Variants in CDH13 observed in about 807,000 individuals in gnomAD.
The protein encoded by CDH13 is cadherin 13.
CDH13 carries 24 observed loss-of-function variants against 63.8 expected under a neutral mutation model. That is an observed-to-expected ratio of 0.38 (90% confidence interval 0.27 to 0.53). CDH13 has a LOEUF of 0.53. Among genes scored for constraint, CDH13 ranks in the 20% least tolerant of loss-of-function variants. The pLI, the probability that CDH13 is intolerant of heterozygous loss-of-function variation, is 0.85. For missense variants in CDH13, 1,049 were observed against 903.1 expected, an observed-to-expected ratio of 1.16 and a Z score of -2.07; for synonymous variants, 503 against 355.3, an observed-to-expected ratio of 1.42 and a Z score of -4.67.
intron 7 of CDH13, among the ~76,000 whole-genome samples, chr16:83,521,156 C>G (rs1201965624): frequency 3.3e-5 from 5 of 152,196 alleles, no homozygotes; most frequent in Non-Finnish European, 7.3e-5. Flanking sequence ...CAGCACTTTG[C>G]TAACACGTTT....
At chr16:83,748,599 A>G (rs1912807075) in intron 11 of CDH13, among the ~76,000 whole-genome samples, 2 of 152,198 alleles carry the variant, frequency 1.3e-5, no homozygotes, top group Non-Finnish European at 2.9e-5. Flanking sequence ...ATACAAGTTG[A>G]AAGTAAGTCC....
chr16:83,193,739 G>A (rs1189871252), intron 4 of CDH13, among the ~76,000 whole-genome samples: 1 of 152,164 alleles, frequency 6.6e-6, no homozygotes, highest in Non-Finnish European at 1.5e-5. Flanking sequence ...TCACCAAGGA[G>A]TGGTAGAAAA....
chr16:83,163,477 C>T (rs1377936823), intron 4 of CDH13, among the ~76,000 whole-genome samples: 3 of 152,116 alleles, frequency 2.0e-5, no homozygotes, highest in Non-Finnish European at 4.4e-5. Flanking sequence ...GCCAGACGCT[C>T]ATCACCTTGT....
intron 5 of CDH13, among the ~76,000 whole-genome samples, chr16:83,277,373 C>T (rs2042434): frequency 0.16 from 23,907 of 152,102 alleles, 1,930 homozygotes; most frequent in Admixed American, 0.2. Context: ...ATGCCTAAAC[C>T]ATACTCCGAA....
chr16:83,211,156 A>G (rs1255206458), intron 4 of CDH13, among the ~76,000 whole-genome samples: 1 of 152,096 alleles, frequency 6.6e-6, no homozygotes, highest in Non-Finnish European at 1.5e-5. Flanking sequence ...TCAAAAAAAA[A>G]AAAAAAAGGT....
intron 1 of CDH13, among the ~76,000 whole-genome samples, chr16:82,817,144 C>A (rs1390557023): frequency 2.3e-4 from 35 of 151,994 alleles, no homozygotes; most frequent in Non-Finnish European, 4.4e-5. Flanking sequence ...TCTTGACTCT[C>A]CTTTCATTTC....
At chr16:82,807,088 CTTTT>C (rs11327303) in intron 1 of CDH13, among the ~76,000 whole-genome samples, 1 of 139,258 alleles carries the variant, frequency 7.2e-6, no homozygotes. Flanking sequence ...GGGATCATGC[CTTTT>C]TTTTTTTTTT....
intron 1 of CDH13, among the ~76,000 whole-genome samples, chr16:82,707,676 A>C (rs1229901828): frequency 5.3e-5 from 8 of 152,168 alleles, no homozygotes; most frequent in African/African-American, 1.7e-4. Flanking sequence ...TTTTGGTAAC[A>C]CCCGTTGCCC....
intron 2 of CDH13, among the ~76,000 whole-genome samples, chr16:82,932,616 A>C (rs1362522543): frequency 6.6e-6 from 1 of 152,216 alleles, no homozygotes; most frequent in Non-Finnish European, 1.5e-5. Context: ...ACTTTACTGA[A>C]AAAATGTGTT....
chr16:83,504,261 A>C (rs2074348041), intron 7 of CDH13, among the ~76,000 whole-genome samples: 1 of 152,132 alleles, frequency 6.6e-6, no homozygotes, highest in Admixed American at 6.5e-5. Context: ...ACTAGAGAAG[A>C]GTGTTCACAA....
At chr16:82,697,909 C>T (rs151176240) in intron 1 of CDH13, among the ~76,000 whole-genome samples, 1 of 152,252 alleles carries the variant, frequency 6.6e-6, no homozygotes, top group African/African-American at 2.4e-5. Flanking sequence ...GTTGCCCCAA[C>T]ATGACAGTGC....
intron 1 of CDH13, among the ~76,000 whole-genome samples, chr16:82,709,206 G>A (rs2031727609): frequency 6.6e-6 from 1 of 152,126 alleles, no homozygotes; most frequent in Non-Finnish European, 1.5e-5. Context: ...CCAATCAGCA[G>A]AACAAGTCTG....
intron 6 of CDH13, among the ~76,000 whole-genome samples, chr16:83,478,976 T>C (rs976604729): frequency 3.9e-5 from 6 of 152,124 alleles, no homozygotes; most frequent in Non-Finnish European, 5.9e-5. Flanking sequence ...ATTCATCACA[T>C]GGGTAGCTTT....
intron 1 of CDH13, among the ~76,000 whole-genome samples, chr16:82,635,591 G>A (rs1908556765): frequency 1.3e-5 from 2 of 152,222 alleles, no homozygotes; most frequent in African/African-American, 4.8e-5. Flanking sequence ...TTGCATTCTG[G>A]CTACAAGTAG....
chr16:83,670,193 G>A (rs1181610449), intron 8 of CDH13, among the ~76,000 whole-genome samples: 3 of 152,206 alleles, frequency 2.0e-5, no homozygotes, highest in Non-Finnish European at 4.4e-5. Flanking sequence ...GAAAATAGCA[G>A]TATCTAGCAG....
chr16:83,501,898 T>C (rs1602020), intron 7 of CDH13, among the ~76,000 whole-genome samples: 151,968 of 152,348 alleles, frequency 1, 75,799 homozygotes, highest in East Asian at 1. Context: ...TGATTGAGTT[T>C]CCCTCAGCTC....
chr16:83,375,654 G>C (rs1413171432), intron 6 of CDH13, among the ~76,000 whole-genome samples: 3 of 152,182 alleles, frequency 2.0e-5, no homozygotes, highest in Admixed American at 1.3e-4. Flanking sequence ...AGCAAAGTAA[G>C]CTGATGGGGT....
At position 83,622,825 on chromosome 16, in the gene CDH13, G is replaced by A. The variant is rs1400837464; in HGVS notation, c.1101+20231G>A. 2.0e-5 allele frequency among the ~76,000 whole-genome samples: 3 copies of A among 152,362 alleles called. No individual in the cohort carries two copies. The East Asian group carries it at 5.8e-4, about 29-fold the overall frequency. On this transcript the variant is annotated intron_variant, in intron 8 of 13. Transcript: ENST00000567109. Reference sequence around the variant, plus strand: ...CTTGTTCTGAGTTAGCAGGGTTGCAGCGGCCTCAGCTTTTTGGTTCATGCA... The same window carrying A: ...CTTGTTCTGAGTTAGCAGGGTTGCAACGGCCTCAGCTTTTTGGTTCATGCA...
intron 6 of CDH13, among the ~76,000 whole-genome samples, chr16:83,392,215 G>T (rs1255077690): frequency 6.6e-6 from 1 of 152,184 alleles, no homozygotes; most frequent in Non-Finnish European, 1.5e-5. Context: ...CCCTGGGCAA[G>T]CCCACAACCC....
Sources: allele counts gnomAD v4.1 joint callset (sites outside exome capture counted in the v4.1 genomes callset), GRCh38; gene constraint gnomAD v4.1.1; transcripts MANE v1.5; gene names NCBI Gene and HGNC (gene_info 2026-07-23, HGNC 2026-07-21).